ARHGAP32: variants seen among roughly 807,000 people sequenced by gnomAD.
ARHGAP32 encodes the protein Rho GTPase activating protein 32, also known as rho GTPase-activating protein 32.
ARHGAP32 carries 51 observed loss-of-function variants against 186.5 expected under a neutral mutation model. The ratio of observed to expected loss-of-function variants is 0.27; its 90% CI spans 0.22 to 0.35. ARHGAP32 has a LOEUF of 0.35. Among genes scored for constraint, ARHGAP32 ranks in the 10% least tolerant of loss-of-function variants. The pLI is 1.00. For missense variants in ARHGAP32, 2,186 were observed against 2,623.5 expected (o/e 0.83, Z 3.64); for synonymous variants, 950 against 964.3 (o/e 0.99, Z 0.27).
At chr11:129,107,754 GCTA>G (rs2135325837) in intron 5 of ARHGAP32, among the ~76,000 whole-genome samples, 1 of 151,752 alleles carries the variant, frequency 6.6e-6, no homozygotes, top group South Asian at 2.1e-4. Context: ...TGTAATCCCA[GCTA>G]CTTGGGAGGC....
chr11:129,086,130 A>C (rs1234169520), intron 6 of ARHGAP32, among the ~76,000 whole-genome samples: 1 of 152,214 alleles, frequency 6.6e-6, no homozygotes. Flanking sequence ...ACAGACCCAT[A>C]TAAAAGTCAA....
At chr11:129,117,152 T>C (rs1591629289) in intron 5 of ARHGAP32, among the ~76,000 whole-genome samples, 1 of 152,022 alleles carries the variant, frequency 6.6e-6, no homozygotes, top group East Asian at 1.9e-4. Flanking sequence ...TGAGTCAGTC[T>C]ATTCTTTTCT....
At chr11:128,974,093 TAAAG>T (rs773545054) in intron 21 of ARHGAP32, 27 bp downstream of exon 21, 18 of 1,606,212 alleles carry the variant, frequency 1.1e-5, no homozygotes, top group African/African-American at 5.4e-5. Context: ...CCTCTTAACT[TAAAG>T]AAAGAATGGA....
At chr11:129,121,178 G>T (rs1565432230) in intron 5 of ARHGAP32, among the ~76,000 whole-genome samples, 1 of 148,472 alleles carries the variant, frequency 6.7e-6, no homozygotes, top group Non-Finnish European at 1.5e-5. Flanking sequence ...TAATATGATT[G>T]TTTTTTTTTT....
intron 1 of ARHGAP32, among the ~76,000 whole-genome samples, chr11:129,267,053 A>G: frequency 6.6e-6 from 1 of 152,136 alleles, no homozygotes; most frequent in East Asian, 1.9e-4. Flanking sequence ...GGGGAAGAGA[A>G]GAAGACCTCA....
chr11:129,202,570 TAAAC>T (rs1944467696), intron 1 of ARHGAP32, among the ~76,000 whole-genome samples: 1 of 152,130 alleles, frequency 6.6e-6, no homozygotes, highest in African/African-American at 2.4e-5. Flanking sequence ...TAAGAAAACT[TAAAC>T]AGATTCTTTT....
chr11:129,176,874 G>C (rs1034397552), intron 1 of ARHGAP32, among the ~76,000 whole-genome samples: 19 of 152,138 alleles, frequency 1.2e-4, no homozygotes. Context: ...ACAATTAAAA[G>C]AACTGGAAAA....
At chr11:129,118,754 G>T (rs1439956925) in intron 5 of ARHGAP32, among the ~76,000 whole-genome samples, 8 of 151,966 alleles carry the variant, frequency 5.3e-5, no homozygotes. Context: ...TTATTTAAAA[G>T]GGGTGGAGAA....
At chr11:129,134,341 ATGT>A (rs1942889803) in intron 2 of ARHGAP32, among the ~76,000 whole-genome samples, 1 of 152,216 alleles carries the variant, frequency 6.6e-6, no homozygotes, top group Non-Finnish European at 1.5e-5. Context: ...CAAGAGAAGG[ATGT>A]ATGTACCACA....
chr11:129,167,690 T>C (rs1441085313), intron 1 of ARHGAP32, among the ~76,000 whole-genome samples: 1 of 152,218 alleles, frequency 6.6e-6, no homozygotes, highest in Non-Finnish European at 1.5e-5. Flanking sequence ...ACAAAAATTA[T>C]ATTAGTTGTT....
At chr11:129,080,794 C>T (rs1481432819) in intron 6 of ARHGAP32, among the ~76,000 whole-genome samples, 1 of 151,094 alleles carries the variant, frequency 6.6e-6, no homozygotes, top group Admixed American at 6.6e-5. Flanking sequence ...AAAAAAAATA[C>T]AAAAGAAAAA....
chr11:129,193,726 A>ATATAATATATATTATATATTATATAT (rs1555111391), upstream of ARHGAP32, among the ~76,000 whole-genome samples: 1 of 85,704 alleles, frequency 1.2e-5, no homozygotes, highest in Admixed American at 1.7e-4. Context: ...ATTATATATT[A>ATATAATATATATTATATATTATATAT]TATATAATAT....
At chr11:129,092,297 A>T (rs1941602275) in intron 6 of ARHGAP32, among the ~76,000 whole-genome samples, 1 of 151,980 alleles carries the variant, frequency 6.6e-6, no homozygotes, top group Non-Finnish European at 1.5e-5. Context: ...TTCTCGAAGC[A>T]TATGGAAATT....
At chr11:129,172,402 C>T (rs538122189) in intron 1 of ARHGAP32, among the ~76,000 whole-genome samples, 2 of 152,250 alleles carry the variant, frequency 1.3e-5, no homozygotes, top group East Asian at 3.9e-4. Context: ...TTATCAAAGG[C>T]CTTTTCTGCA....
intron 11 of ARHGAP32, among the ~76,000 whole-genome samples, chr11:129,033,277 T>C (rs905506094): frequency 2.6e-5 from 4 of 152,230 alleles, no homozygotes; most frequent in Non-Finnish European, 5.9e-5. Context: ...TGAATCTCTA[T>C]ATACATCTAA....
chr11:129,086,366 T>C (rs2135241780), intron 6 of ARHGAP32, among the ~76,000 whole-genome samples: 1 of 152,324 alleles, frequency 6.6e-6, no homozygotes, highest in East Asian at 1.9e-4. Context: ...CTAGATGACC[T>C]TAGTTACAGC....
chr11:129,133,724 T>C (rs1942872378), intron 2 of ARHGAP32, among the ~76,000 whole-genome samples: 2 of 152,062 alleles, frequency 1.3e-5, no homozygotes, highest in South Asian at 2.1e-4. Flanking sequence ...CTAAGAGAAT[T>C]TGTCACCAGT....
At chr11:129,235,178 G>A (rs940050954) in intron 1 of ARHGAP32, among the ~76,000 whole-genome samples, 1 of 152,030 alleles carries the variant, frequency 6.6e-6, no homozygotes, top group Non-Finnish European at 1.5e-5. Context: ...TTAGCCCTTC[G>A]GAACTTAAAT....
chr11:129,129,090 G>T (rs963614053), intron 2 of ARHGAP32, among the ~76,000 whole-genome samples: 1 of 152,068 alleles, frequency 6.6e-6, no homozygotes, highest in South Asian at 2.1e-4. Flanking sequence ...CCCCGTCTGG[G>T]ATGTGAAGGG....
Sources: gnomAD v4.1 joint callset for allele counts (sites outside exome capture counted in the v4.1 genomes callset) on GRCh38, gnomAD v4.1.1 for gene constraint, MANE v1.5 for transcripts, NCBI Gene and HGNC (gene_info 2026-07-23, HGNC 2026-07-21) for gene names.